AMN1: variants seen among roughly 807,000 people sequenced by gnomAD.
AMN1 encodes the protein protein AMN1 homolog.
In AMN1, 20 loss-of-function variants were observed where a neutral mutation model predicts 33.0. The observed-to-expected ratio is 0.61, with a 90% CI of 0.43 to 0.88. The LOEUF (loss-of-function observed/expected upper bound fraction) is 0.88. AMN1 is among the 40% of genes least tolerant of loss of function. AMN1 has a pLI of 0.00. For missense variants in AMN1, 246 were observed against 307.4 expected (o/e 0.80, Z 1.49); for synonymous variants, 114 against 111.9 (o/e 1.02, Z -0.12).
chr12:31,721,680 A>G (rs192144123), intron 1 of AMN1, among the ~76,000 whole-genome samples: 1 of 152,300 alleles, frequency 6.6e-6, no homozygotes, highest in African/African-American at 2.4e-5. Context: ...AAGGCATATT[A>G]TATTTTTACT....
At chr12:31,685,977 T>A (rs1938247281) in intron 6 of AMN1, among the ~76,000 whole-genome samples, 1 of 152,040 alleles carries the variant, frequency 6.6e-6, no homozygotes, top group African/African-American at 2.4e-5. Flanking sequence ...AATCATTTAG[T>A]GTCATTAAGC....
chr12:31,698,721 T>C (rs1938846583), intron 3 of AMN1, among the ~76,000 whole-genome samples: 2 of 151,980 alleles, frequency 1.3e-5, no homozygotes, highest in East Asian at 3.9e-4. Context: ...TTTTACTGTT[T>C]TCCATATCTT....
rs1462388723 is a variant in AMN1 at position 31,671,397 on chromosome 12, G to T, written c.*907C>A. The T allele has an allele frequency of 6.6e-6, 1 of 152,142 alleles. No homozygotes were observed. Among genetic ancestry groups the T allele is most frequent in the Non-Finnish European group, 1.5e-5 (1 of 68,010 alleles). The allele number at this position is 152,142 out of a possible 1,614,324, so 9.4% of individuals were successfully genotyped here. A position where few individuals can be genotyped will look rare whatever the true frequency, so the allele number is the denominator to read the frequency against. ...TTTCACTACATCAGAGGCAAAATAA[G>T]AAATCTTTTAAGAAAATCTCAAGAC... On this transcript the variant is annotated 3_prime_UTR_variant, in exon 7 of 7. Coordinates refer to ENST00000281471, the MANE Select transcript of AMN1 (RefSeq NM_001113402.2).
upstream of AMN1, chr12:31,729,070 T>A (rs575158084): frequency 2.8e-5 from 41 of 1,444,292 alleles, no homozygotes; most frequent in Middle Eastern, 1.8e-4. Context: ...CCAGGGACCG[T>A]CCGCCAACTC....
upstream of AMN1, chr12:31,729,152 C>T (rs1437480051): frequency 1.1e-6 from 1 of 874,598 alleles, no homozygotes; most frequent in Non-Finnish European, 1.7e-6. Context: ...CGTGGCCACG[C>T]TTCGGACTCC....
chr12:31,716,904 CCCTGT>C (rs1178871540), intron 1 of AMN1, among the ~76,000 whole-genome samples: 1 of 152,164 alleles, frequency 6.6e-6, no homozygotes, highest in Non-Finnish European at 1.5e-5. Context: ...CATAAACTTT[CCCTGT>C]CCTAAGTTCA....
intron 5 of AMN1, among the ~76,000 whole-genome samples, chr12:31,690,131 T>C (rs1159930357): frequency 1.3e-5 from 2 of 152,268 alleles, no homozygotes; most frequent in Non-Finnish European, 2.9e-5. Flanking sequence ...TGTATACATA[T>C]ACCACAGTTT....
chr12:31,682,224 T>C (rs1233665608), intron 6 of AMN1, among the ~76,000 whole-genome samples: 4 of 152,226 alleles, frequency 2.6e-5, no homozygotes, highest in African/African-American at 4.8e-5. Context: ...ATAAACACTT[T>C]TTGTTTTATG....
intron 1 of AMN1, among the ~76,000 whole-genome samples, chr12:31,710,489 C>T (rs1362004738): frequency 6.6e-6 from 1 of 151,664 alleles, no homozygotes; most frequent in Non-Finnish European, 1.5e-5. Context: ...CTTGTCCTTC[C>T]CCCTCCATTA....
chr12:31,721,203 A>C (rs780400991), intron 1 of AMN1, among the ~76,000 whole-genome samples: 57 of 152,186 alleles, frequency 3.7e-4, no homozygotes, highest in Admixed American at 1.3e-4. Context: ...GGGTGGCCGA[A>C]ATTATCAAGG....
intron 6 of AMN1, among the ~76,000 whole-genome samples, chr12:31,676,937 T>C (rs1225350415): frequency 6.6e-6 from 1 of 151,794 alleles, no homozygotes; most frequent in Admixed American, 6.6e-5. Flanking sequence ...GCCTTTATTA[T>C]GCTACAGGGA....
intron 2 of AMN1, among the ~76,000 whole-genome samples, chr12:31,703,842 A>G (rs1592165167): frequency 6.6e-6 from 1 of 152,280 alleles, no homozygotes; most frequent in South Asian, 2.1e-4. Flanking sequence ...TAGGTAGGCA[A>G]TATTATGCCG....
At position 31,683,955 on chromosome 12, in the gene AMN1, C is replaced by T. The variant is rs55717538; in HGVS notation, c.703+5052G>A. The stretch of plus-strand genomic sequence containing the variant: ...GCTTTCAAGTGAATTTTGGAAGCCT[C>T]GTAGCTGCCACTGTGATCTTGAAAG... On this transcript the variant is annotated intron_variant, in intron 6 of 6. Coordinates refer to ENST00000281471, the MANE Select transcript of AMN1 (RefSeq NM_001113402.2). The surrounding 1 kb of genome is among the most constrained non-coding windows in gnomAD (Gnocchi z 4.1). Among the ~76,000 whole-genome samples, 1,278 of 152,216 alleles carry T rather than the reference C, an allele frequency of 8.4e-3. 17 individuals carry two copies. Among genetic ancestry groups the T allele is most frequent in the African/African-American group, 0.029 (1,206 of 41,512 alleles).
intron 1 of AMN1, among the ~76,000 whole-genome samples, chr12:31,722,072 C>T (rs146784289): frequency 5.8e-4 from 87 of 149,904 alleles, no homozygotes; most frequent in African/African-American, 2.0e-3. Context: ...TGAAATAGAC[C>T]GTATTTTATG....
At chr12:31,704,981 AC>A (rs1939162848) in intron 2 of AMN1, among the ~76,000 whole-genome samples, 1 of 152,212 alleles carries the variant, frequency 6.6e-6, no homozygotes, top group South Asian at 2.1e-4. Context: ...GTCACATATA[AC>A]ATTACATACT....
intron 5 of AMN1, among the ~76,000 whole-genome samples, chr12:31,694,968 T>A (rs983265450): frequency 2.2e-4 from 34 of 152,160 alleles, no homozygotes; most frequent in Non-Finnish European, 3.4e-4. Context: ...ACAATTTTTT[T>A]AAAAAGTATA....
chr12:31,728,878 G>C, intron 1 of AMN1, 93 bp downstream of exon 1: 1 of 1,402,650 alleles, frequency 7.1e-7, no homozygotes. Context: ...GGGGGGGGTG[G>C]GAAAGGGGCG....
intron 1 of AMN1, among the ~76,000 whole-genome samples, chr12:31,727,511 TTCTGGTCTTCTC>T (rs375909992): frequency 5.4e-4 from 82 of 152,290 alleles, no homozygotes; most frequent in African/African-American, 1.8e-3. Flanking sequence ...GAGCGCTACT[TTCTGGTCTTCTC>T]TCATATTTCT....
rs544409654 is a variant in AMN1 at position 31,704,340 on chromosome 12, T to C, written c.172-2333A>G. ...TTGATATGTTATTGGAGATTTGTATTTTTTCCTCTGAGTATTTCCTGATTC... is the reference window on the plus strand; with the variant it reads ...TTGATATGTTATTGGAGATTTGTATCTTTTCCTCTGAGTATTTCCTGATTC... On this transcript the variant is annotated intron_variant, in intron 2 of 6. Coordinates refer to ENST00000281471, the MANE Select transcript of AMN1 (RefSeq NM_001113402.2). Among the ~76,000 whole-genome samples the C allele has an allele frequency of 3.3e-5, 5 of 152,268 alleles. No individual in the cohort carries two copies. The East Asian group carries it at 9.6e-4, about 29-fold the overall frequency.
Sources: allele counts gnomAD v4.1 joint callset (sites outside exome capture counted in the v4.1 genomes callset), GRCh38; gene constraint gnomAD v4.1.1; non-coding constraint Gnocchi (gnomAD v3.1); transcripts MANE v1.5; gene names NCBI Gene and HGNC (gene_info 2026-07-23, HGNC 2026-07-21).